Variants in XPC observed in about 807,000 individuals in gnomAD.
XPC encodes the protein DNA repair protein complementing XP-C cells.
Under a neutral mutation model 95.8 loss-of-function variants are expected in XPC, and 76 were observed. The observed-to-expected ratio is 0.79, with a 90% CI of 0.66 to 0.96. The LOEUF (loss-of-function observed/expected upper bound fraction) is 0.96, where lower values mean the gene tolerates loss of function less well. Ranked by LOEUF, XPC falls within the 40% of genes least tolerant of loss-of-function variation. XPC has a pLI of 0.00. For synonymous variants in XPC, 442 were observed against 442.1 expected, an observed-to-expected ratio of 1.00 and a Z score of 0.00; for missense variants, 1,146 against 1,179.8, an observed-to-expected ratio of 0.97 and a Z score of 0.42.
intron 10 of XPC, among the ~76,000 whole-genome samples, chr3:14,155,951 C>A (rs1695888023): frequency 6.6e-6 from 1 of 152,182 alleles, no homozygotes; most frequent in Non-Finnish European, 1.5e-5. Flanking sequence ...AGAACTTTTT[C>A]ATCCCAAACA....
At chr3:14,174,628 T>C (rs1696739940) in intron 1 of XPC, among the ~76,000 whole-genome samples, 1 of 152,214 alleles carries the variant, frequency 6.6e-6, no homozygotes, top group Non-Finnish European at 1.5e-5. Context: ...AATCTGAATG[T>C]CCAACCATGA....
chr3:14,164,352 CT>C, intron 7 of XPC: 1 of 156,040 alleles, frequency 6.4e-6, no homozygotes, highest in Non-Finnish European at 1.4e-5. Context: ...ATCACGATTC[CT>C]TTTTATGGAC....
chr3:14,158,884 T>C lies in XPC; in HGVS notation c.999A>G (p.Lys333=), dbSNP rs760759020. ...PLKSATAKGK[K]PSKERLTADP... is the part of the protein sequence containing the mutation. ...CCGCAGTCAATCTTTCCTTGGAAGG[T>C]TTCTTTCCCTTAAACAGAATAAGAA... The change falls in exon 9 of 16, where the codon AAA becomes AAG. Residue 333 remains lysine, a synonymous_variant. Transcript: ENST00000285021. This position sits in a 1 kb window ranked among gnomAD's most constrained non-coding sequence, Gnocchi z 5.2. 27 of 1,613,822 alleles carry C rather than the reference T, an allele frequency of 1.7e-5. No homozygotes were observed. The African/African-American group carries it at 2.1e-4, about 13-fold the overall frequency.
In XPC at chr3:14,160,035, T is replaced by A. The variant is rs535720145; in HGVS notation, c.901-205A>T. On this transcript the variant is annotated intron_variant, in intron 7 of 15. Coordinates refer to ENST00000285021, the MANE Select transcript of XPC (RefSeq NM_004628.5). ...TCGTAGAAGAACAGGAACATGCTCA[T>A]CATATATTAAAGGAAAATAGAAGTT... 6 of 520,692 alleles carry A rather than the reference T, an allele frequency of 1.2e-5. No individual in the cohort carries two copies. In the South Asian group the frequency reaches 1.2e-4, roughly 10 times the overall value. The allele number at this position is 520,692 out of a possible 1,614,324, so 32.3% of individuals were successfully genotyped here. A position where few individuals can be genotyped will look rare whatever the true frequency, so the allele number is the denominator to read the frequency against.
At chr3:14,175,250 A>G (rs1357957103) in intron 1 of XPC, among the ~76,000 whole-genome samples, 1 of 152,090 alleles carries the variant, frequency 6.6e-6, no homozygotes, top group African/African-American at 2.4e-5. Context: ...AAATTACACT[A>G]AATGCCTCAA....
chr3:14,168,808 C>T (rs1696497578), intron 3 of XPC, among the ~76,000 whole-genome samples: 1 of 152,052 alleles, frequency 6.6e-6, no homozygotes, highest in African/African-American at 2.4e-5. Flanking sequence ...TGTATAGAGT[C>T]ATGACTCAGG....
chr3:14,159,824 A>G lies in XPC; in HGVS notation c.907T>C (p.Leu303=), dbSNP rs1347743520. 4 of 1,554,476 alleles carry G rather than the reference A, an allele frequency of 2.6e-6. No homozygotes were observed. Among genetic ancestry groups the G allele is most frequent in the Non-Finnish European group, 3.5e-6 (4 of 1,148,532 alleles). The change falls in exon 8 of 16, where the codon TTA becomes CTA. Residue 303 remains leucine (L), a synonymous_variant. Coordinates refer to ENST00000285021, the MANE Select transcript of XPC (RefSeq NM_004628.5). The stretch of plus-strand genomic sequence containing the variant: ...AGCTGCAGAGCCCGGAGAATCAGTA[A>G]GAATATCTATGATGAAAAGGAAGAA... ...RDDEELVHIF[L]LILRALQLLT...
Position 14,175,069 on chromosome 3 carries a change from C to A in XPC, c.104-2007G>T, listed in dbSNP as rs188430234. Among the ~76,000 whole-genome samples the A allele has an allele frequency of 9.0e-4, 137 of 152,242 alleles. 1 individual carries two copies. The highest frequency in any genetic ancestry group is 3.1e-3 in the African/African-American group (129 of 41,542). On this transcript the variant is annotated intron_variant, in intron 1 of 15. Transcript: ENST00000285021. The stretch of plus-strand genomic sequence containing the variant: ...AACTCATAGCACTCAGAATAAAATT[C>A]CAACTCCTTAGCTTGGTATCCAAGC...
chr3:14,167,391 C>T (rs915436898), intron 4 of XPC, 138 bp from the exon 5 acceptor site: 11 of 703,932 alleles, frequency 1.6e-5, no homozygotes, highest in Non-Finnish European at 2.0e-5. Context: ...TACTCAAGTC[C>T]GTCTGCAAGC....
chr3:14,161,547 G>T (rs1319805148), intron 7 of XPC, among the ~76,000 whole-genome samples: 1 of 145,242 alleles, frequency 6.9e-6, no homozygotes, highest in Non-Finnish European at 1.5e-5. Flanking sequence ...TACATTAATA[G>T]AATGAAGGAA....
At position 14,173,034 on chromosome 3, in the gene XPC, C is replaced by T; in HGVS notation, c.132G>A (p.Lys44=). The T allele has an allele frequency of 6.3e-7, 1 of 1,598,216 alleles. No individual in the cohort carries two copies. Among genetic ancestry groups the T allele is most frequent in the Non-Finnish European group, 8.5e-7 (1 of 1,172,848 alleles). The change falls in exon 2 of 16, where the codon AAG becomes AAA. Residue 44 remains lysine, a synonymous_variant. Transcript: ENST00000285021. ...EDAFEDEKPP[K]KSLLSKVSQG... is the part of the protein sequence containing the mutation. ...GTGAAACTTTGGAGAGAAGGCTCTTCTTTGGGGGTTTCTCATCTTCAAAGG... is the reference window on the plus strand; with the variant it reads ...GTGAAACTTTGGAGAGAAGGCTCTTTTTTGGGGGTTTCTCATCTTCAAAGG...
intron 1 of XPC, among the ~76,000 whole-genome samples, chr3:14,176,815 T>C (rs182601325): frequency 5.9e-5 from 9 of 152,342 alleles, no homozygotes; most frequent in African/African-American, 1.7e-4. Context: ...TTAAAATATT[T>C]ACTAGCCGGG....
intron 11 of XPC, among the ~76,000 whole-genome samples, 192 bp from the exon 12 acceptor site, chr3:14,149,140 G>C (rs1383998574): frequency 1.3e-5 from 2 of 151,466 alleles, no homozygotes; most frequent in Admixed American, 6.6e-5. Flanking sequence ...CTGGAGTACA[G>C]TGGTGCAATC....
In XPC at chr3:14,163,860, G is replaced by A. The variant is rs117560339; in HGVS notation, c.900+953C>T. ...AATGAGTTACCAGCCTGGCCAACAG[G>A]GTGAAGGGTGAAACCCCATCTCTAC... On this transcript the variant is annotated intron_variant, in intron 7 of 15. Transcript: ENST00000285021. 3.0e-4 allele frequency among the ~76,000 whole-genome samples: 46 copies of A among 152,250 alleles called. 2 individuals are homozygous for A. The East Asian group carries it at 8.9e-3, about 29-fold the overall frequency.
chr3:14,145,803 G>A lies in XPC; in HGVS notation c.*138C>T, dbSNP rs747625767. On this transcript the variant is annotated 3_prime_UTR_variant, in exon 16 of 16. Transcript: ENST00000285021. ...GCTTGGCCTCGTCTCCCCTGACCCCGCCTCCGTGCATGCTGCCTCAGTTTG... is the reference window on the plus strand; with the variant it reads ...GCTTGGCCTCGTCTCCCCTGACCCCACCTCCGTGCATGCTGCCTCAGTTTG... 43 of 1,088,004 alleles carry A rather than the reference G, an allele frequency of 4.0e-5. No homozygotes were observed. Among genetic ancestry groups the A allele is most frequent in the Non-Finnish European group, 4.9e-5 (36 of 736,468 alleles). 67.4% of individuals were successfully genotyped at this position (1,088,004 alleles called of 1,614,324 possible). A position where few individuals can be genotyped will look rare whatever the true frequency, so the allele number is the denominator to read the frequency against.
Position 14,148,079 on chromosome 3 carries a change from A to T in XPC, c.2421-78T>A, listed in dbSNP as rs1220587448. ...CTCCTCCCTCCCCAGTTTGTGGAAG[A>T]CAGTGGGCCACATCTGAGCACTAGG... On this transcript the variant is annotated intron_variant, in intron 13 of 15. Transcript: ENST00000285021. 4 of 1,245,996 alleles carry T rather than the reference A, an allele frequency of 3.2e-6. No individual in the cohort carries two copies. In the East Asian group the frequency reaches 7.7e-5, roughly 24 times the overall value. 77.2% of individuals were successfully genotyped at this position (1,245,996 alleles called of 1,614,324 possible).
rs1559366087 is a variant in XPC, at chr3:14,145,448, CAG to C, written c.*491_*492del. 1.4e-6 allele frequency: 1 copy of C among 694,954 alleles called. No homozygotes were observed. The highest frequency in any genetic ancestry group is 1.8e-5 in the African/African-American group (1 of 57,088). 43.0% of individuals were successfully genotyped at this position (694,954 alleles called of 1,614,324 possible). ...GAGGGCAGCATTAGTAAGCCTGACT[CAG>C]GGGAAGGTAAGTGGCCTGCAGAGAA... On this transcript the variant is annotated 3_prime_UTR_variant, in exon 16 of 16. Coordinates refer to ENST00000285021, the MANE Select transcript of XPC (RefSeq NM_004628.5).
chr3:14,147,808 GA>G (rs1695502634), intron 14 of XPC, 99 bp downstream of exon 14: 1 of 1,065,874 alleles, frequency 9.4e-7, no homozygotes, highest in African/African-American at 1.6e-5. Context: ...GGGCTGGGAA[GA>G]GCCTGGGAGC....
intron 13 of XPC, 161 bp from the exon 14 acceptor site, chr3:14,148,162 G>T: frequency 1.6e-6 from 1 of 636,076 alleles, no homozygotes. Context: ...CAGAAGGCAG[G>T]CCTGTGGAAG....
Sources: gnomAD v4.1 joint callset for allele counts (sites outside exome capture counted in the v4.1 genomes callset) on GRCh38, gnomAD v4.1.1 for gene constraint, Gnocchi (gnomAD v3.1) non-coding constraint, MANE v1.5 for transcripts, NCBI Gene and HGNC (gene_info 2026-07-23, HGNC 2026-07-21) for gene names.